Variants in MACROD2 observed in about 807,000 individuals in gnomAD.
The protein encoded by MACROD2 is ADP-ribose glycohydrolase MACROD2.
MACROD2 carries 36 observed loss-of-function variants against 70.4 expected under a neutral mutation model. The observed-to-expected ratio is 0.51, with a 90% CI of 0.39 to 0.68. The LOEUF is 0.68. Among genes scored for constraint, MACROD2 ranks in the 30% least tolerant of loss-of-function variants. The pLI, the probability that MACROD2 is intolerant of heterozygous loss-of-function variation, is 0.00. For missense variants in MACROD2, 496 were observed against 538.4 expected (o/e 0.92, Z 0.78); for synonymous variants, 172 against 178.8 (o/e 0.96, Z 0.30).
intron 6 of MACROD2, among the ~76,000 whole-genome samples, chr20:15,362,959 AG>A (rs1173970453): frequency 4.0e-5 from 6 of 150,716 alleles, no homozygotes; most frequent in Non-Finnish European, 7.4e-5. Flanking sequence ...AGGGGAGGGG[AG>A]GAGCAGGAAA....
intron 6 of MACROD2, among the ~76,000 whole-genome samples, chr20:15,400,967 T>G (rs2045920577): frequency 6.6e-6 from 1 of 151,940 alleles, no homozygotes; most frequent in Admixed American, 6.6e-5. Context: ...TCCCCTTTGT[T>G]AGATGTAAAG....
At chr20:15,921,937 TCC>T (rs2065414585) in intron 10 of MACROD2, among the ~76,000 whole-genome samples, 1 of 152,114 alleles carries the variant, frequency 6.6e-6, no homozygotes, top group African/African-American at 2.4e-5. Flanking sequence ...CTCTGAGGAG[TCC>T]CACTCCAGGG....
intron 8 of MACROD2, among the ~76,000 whole-genome samples, chr20:15,709,794 G>A (rs1181438970): frequency 6.6e-6 from 1 of 152,080 alleles, no homozygotes; most frequent in African/African-American, 2.4e-5. Flanking sequence ...TTTGTGTAGA[G>A]AACATAAATC....
chr20:14,724,539 G>A (rs1191686981), intron 5 of MACROD2, among the ~76,000 whole-genome samples: 2 of 152,162 alleles, frequency 1.3e-5, no homozygotes, highest in East Asian at 1.9e-4. Flanking sequence ...AAATAGGATT[G>A]GGCACTATAT....
At chr20:15,693,610 T>A (rs1354631131) in intron 8 of MACROD2, among the ~76,000 whole-genome samples, 1 of 152,194 alleles carries the variant, frequency 6.6e-6, no homozygotes, top group Non-Finnish European at 1.5e-5. Context: ...TGAGTAAATA[T>A]AACTGAGACC....
At chr20:14,482,091 C>T (rs1459974698) in intron 3 of MACROD2, among the ~76,000 whole-genome samples, 4 of 152,110 alleles carry the variant, frequency 2.6e-5, no homozygotes, top group East Asian at 1.9e-4. Flanking sequence ...AAGCTGGTCA[C>T]GTCATGAGTT....
chr20:15,869,254 G>GAGAGAGAGAC lies in MACROD2; in HGVS notation c.727+6437_727+6438insCAGAGAGAGA, dbSNP rs2064545779. ...ATATATATATAGAGAGAGAGAGAGAGAGAGAGAGAGAGAGCAATGCTGGGA... is the reference window on the plus strand; with the variant it reads ...ATATATATATAGAGAGAGAGAGAGAGAGAGAGAGACAGAGAGAGAGAGAGCAATGCTGGGA... On this transcript the variant is annotated intron_variant, in intron 9 of 17. Coordinates refer to ENST00000684519, the MANE Select transcript of MACROD2 (RefSeq NM_001351661.2). Among the ~76,000 whole-genome samples the GAGAGAGAGAC allele has an allele frequency of 3.9e-5, 5 of 126,774 alleles. No homozygotes were observed. In the Admixed American group the frequency reaches 4.0e-4, roughly 10 times the overall value. The allele number at this position is 126,774 out of a possible 152,430, so 83.2% of individuals were successfully genotyped here. A position where few individuals can be genotyped will look rare whatever the true frequency, so the allele number is the denominator to read the frequency against.
intron 3 of MACROD2, among the ~76,000 whole-genome samples, chr20:14,148,464 CTT>C (rs1010994496): frequency 1.3e-5 from 2 of 152,090 alleles, no homozygotes; most frequent in African/African-American, 4.8e-5. Context: ...TTTATTAGGT[CTT>C]TTTTGGTGTC....
At chr20:15,171,013 T>G (rs2076418508) in intron 5 of MACROD2, among the ~76,000 whole-genome samples, 1 of 151,958 alleles carries the variant, frequency 6.6e-6, no homozygotes, top group Non-Finnish European at 1.5e-5. Context: ...CATGGAAAAT[T>G]TCAGAGACCC....
chr20:15,952,015 G>C (rs2065912904), intron 12 of MACROD2, among the ~76,000 whole-genome samples: 1 of 152,130 alleles, frequency 6.6e-6, no homozygotes, highest in African/African-American at 2.4e-5. Context: ...ATGGGGGCAG[G>C]TGTTTCCCAT....
intron 3 of MACROD2, among the ~76,000 whole-genome samples, chr20:14,284,102 A>G (rs2122417649): frequency 6.6e-6 from 1 of 152,344 alleles, no homozygotes; most frequent in East Asian, 1.9e-4. Flanking sequence ...CTGTATAAAA[A>G]ATAAAGCTTT....
intron 7 of MACROD2, among the ~76,000 whole-genome samples, chr20:15,478,433 T>C (rs1044668394): frequency 1.3e-5 from 2 of 152,160 alleles, no homozygotes; most frequent in Non-Finnish European, 2.9e-5. Context: ...CTACAACTTG[T>C]CTACTGATGA....
At chr20:14,953,345 C>G (rs550757609) in intron 5 of MACROD2, among the ~76,000 whole-genome samples, 1 of 152,058 alleles carries the variant, frequency 6.6e-6, no homozygotes, top group East Asian at 1.9e-4. Context: ...CTCTCTCTGT[C>G]GCCCAGGTTG....
At chr20:14,674,864 C>T (rs1031507150) in intron 4 of MACROD2, among the ~76,000 whole-genome samples, 22 of 152,306 alleles carry the variant, frequency 1.4e-4, no homozygotes, top group African/African-American at 4.8e-4. Context: ...AGCGAAGCCT[C>T]TTACTTTTTA....
Position 14,316,956 on chromosome 20 carries a change from T to G in MACROD2, c.272-176523T>G, listed in dbSNP as rs187833585. ...CCCCTATCTTCCCCTTATTCCTCCC[T>G]GCCCTCTTAAAAACTGCCCGTTTTC... On this transcript the variant is annotated intron_variant, in intron 3 of 17. Coordinates refer to ENST00000684519, the MANE Select transcript of MACROD2 (RefSeq NM_001351661.2). Among the ~76,000 whole-genome samples the G allele has an allele frequency of 2.8e-3, 424 of 152,222 alleles. 3 individuals are homozygous for G. Among genetic ancestry groups the G allele is most frequent in the Admixed American group, 3.7e-3 (56 of 15,288 alleles).
chr20:15,037,067 T>TTA (rs1183856886), intron 5 of MACROD2, among the ~76,000 whole-genome samples: 1 of 152,160 alleles, frequency 6.6e-6, no homozygotes, highest in African/African-American at 2.4e-5. Context: ...AGTCTCCTGC[T>TTA]TAGCTTATCT....
At chr20:14,974,554 T>C (rs1430325800) in intron 5 of MACROD2, among the ~76,000 whole-genome samples, 1 of 152,144 alleles carries the variant, frequency 6.6e-6, no homozygotes, top group African/African-American at 2.4e-5. Context: ...GATTTTATAC[T>C]TTTGCTATAC....
chr20:14,300,973 C>T (rs2082469800), intron 3 of MACROD2, among the ~76,000 whole-genome samples: 1 of 152,162 alleles, frequency 6.6e-6, no homozygotes, highest in African/African-American at 2.4e-5. Flanking sequence ...TTAATAATAG[C>T]TAAGATATAT....
chr20:15,469,607 G>A (rs1476439259), intron 7 of MACROD2, among the ~76,000 whole-genome samples: 3 of 152,166 alleles, frequency 2.0e-5, no homozygotes, highest in Non-Finnish European at 2.9e-5. Flanking sequence ...TAAGGAGACC[G>A]ACTGAGCAAG....
Sources: allele counts gnomAD v4.1 joint callset (sites outside exome capture counted in the v4.1 genomes callset), GRCh38; gene constraint gnomAD v4.1.1; transcripts MANE v1.5; gene names NCBI Gene and HGNC (gene_info 2026-07-23, HGNC 2026-07-21).